ZCWPW2: variants seen among roughly 807,000 people sequenced by gnomAD.
ZCWPW2 encodes the protein zinc finger CW-type and PWWP domain containing 2, also known as zinc finger CW-type PWWP domain protein 2.
Under a neutral mutation model 46.6 loss-of-function variants are expected in ZCWPW2, and 45 were observed. The observed-to-expected ratio is 0.96, with a 90% confidence interval of 0.76 to 1.24. The LOEUF (loss-of-function observed/expected upper bound fraction) is 1.24. ZCWPW2 is among the 50% of genes most tolerant of loss of function. The pLI is 0.00. For synonymous variants in ZCWPW2, 152 were observed against 137.1 expected, an observed-to-expected ratio of 1.11 and a Z score of -0.76; for missense variants, 429 against 403.9, an observed-to-expected ratio of 1.06 and a Z score of -0.53.
At chr3:28,505,186 A>G (rs1700243533) in intron 6 of ZCWPW2, among the ~76,000 whole-genome samples, 1 of 151,898 alleles carries the variant, frequency 6.6e-6, no homozygotes, top group Admixed American at 6.6e-5. Flanking sequence ...TTGAATACAC[A>G]CTCCAGTGTT....
intron 2 of ZCWPW2, among the ~76,000 whole-genome samples, chr3:28,397,531 T>G (rs1002731865): frequency 4.6e-5 from 7 of 151,804 alleles, no homozygotes; most frequent in South Asian, 2.1e-4. Context: ...TTAACTGGGC[T>G]TGGTGGCAAG....
intron 4 of ZCWPW2, among the ~76,000 whole-genome samples, chr3:28,470,074 G>T (rs962570572): frequency 4.6e-5 from 7 of 152,258 alleles, no homozygotes; most frequent in Admixed American, 3.9e-4. Flanking sequence ...CGTATGTCAG[G>T]TATCTTCTCT....
chr3:28,379,937 CA>C (rs1378880224), intron 1 of ZCWPW2, among the ~76,000 whole-genome samples: 1 of 151,852 alleles, frequency 6.6e-6, no homozygotes, highest in Admixed American at 6.6e-5. Flanking sequence ...TTAAGTAAGT[CA>C]AGTTTATTTT....
At chr3:28,437,730 T>C (rs1481325256) in intron 4 of ZCWPW2, among the ~76,000 whole-genome samples, 1 of 152,232 alleles carries the variant, frequency 6.6e-6, no homozygotes, top group Non-Finnish European at 1.5e-5. Context: ...TTATAACTGA[T>C]GTTAGTTTAT....
chr3:28,405,147 C>T (rs78781914), intron 2 of ZCWPW2, among the ~76,000 whole-genome samples: 3,987 of 152,176 alleles, frequency 0.026, 155 homozygotes, highest in African/African-American at 0.085. Context: ...TTCATATAAA[C>T]GTACTTTTCC....
intron 4 of ZCWPW2, among the ~76,000 whole-genome samples, chr3:28,450,925 C>T (rs138100891): frequency 1.3e-5 from 2 of 152,326 alleles, no homozygotes; most frequent in African/African-American, 2.4e-5. Flanking sequence ...AGATCTCTGC[C>T]TTCCTGCTGC....
intron 4 of ZCWPW2, among the ~76,000 whole-genome samples, chr3:28,474,720 A>G (rs551176010): frequency 2.0e-5 from 3 of 152,120 alleles, no homozygotes; most frequent in Admixed American, 6.5e-5. Context: ...TTCATATCCA[A>G]CTGCTACTTG....
chr3:28,399,195 G>T (rs1430326322), intron 2 of ZCWPW2, among the ~76,000 whole-genome samples: 1 of 152,094 alleles, frequency 6.6e-6, no homozygotes. Flanking sequence ...CTGCATGACA[G>T]TGTAGACAGC....
chr3:28,442,650 C>T (rs370579070), intron 4 of ZCWPW2, among the ~76,000 whole-genome samples: 13 of 152,304 alleles, frequency 8.5e-5, no homozygotes, highest in African/African-American at 2.6e-4. Flanking sequence ...GCCAAGTCAA[C>T]GGCTGCATAC....
chr3:28,471,221 T>C (rs574113723), intron 4 of ZCWPW2, among the ~76,000 whole-genome samples: 10 of 152,238 alleles, frequency 6.6e-5, no homozygotes, highest in African/African-American at 2.4e-4. Flanking sequence ...TTCCAAAAAA[T>C]AGAAGTGGAG....
intron 1 of ZCWPW2, among the ~76,000 whole-genome samples, chr3:28,381,677 G>C (rs537641217): frequency 1.3e-5 from 2 of 152,108 alleles, no homozygotes; most frequent in African/African-American, 4.8e-5. Context: ...CTCCTAGCTA[G>C]TCAGGAGGCT....
At chr3:28,380,965 TATATA>T (rs1212336195) in intron 1 of ZCWPW2, among the ~76,000 whole-genome samples, 6 of 45,688 alleles carry the variant, frequency 1.3e-4, no homozygotes, top group Admixed American at 5.3e-4. Flanking sequence ...TATATATATA[TATATA>T]TTTGGTATAT....
intron 6 of ZCWPW2, among the ~76,000 whole-genome samples, chr3:28,497,178 T>G (rs771891137): frequency 6.6e-5 from 10 of 150,818 alleles, no homozygotes; most frequent in Non-Finnish European, 1.5e-4. Context: ...TTGCATTGTG[T>G]TTTTGGCAGT....
intron 5 of ZCWPW2, among the ~76,000 whole-genome samples, chr3:28,482,312 T>C (rs1469295642): frequency 6.6e-6 from 1 of 152,200 alleles, no homozygotes; most frequent in African/African-American, 2.4e-5. Context: ...CTTCCGTGTA[T>C]TTGCATGGCT....
chr3:28,422,523 C>T (rs967244959), intron 3 of ZCWPW2, among the ~76,000 whole-genome samples: 2 of 152,162 alleles, frequency 1.3e-5, no homozygotes, highest in African/African-American at 4.8e-5. Context: ...ATTTACGTCT[C>T]TTCCATGTCC....
At chr3:28,352,476 A>T (rs1241655532) in intron 1 of ZCWPW2, among the ~76,000 whole-genome samples, 1 of 151,982 alleles carries the variant, frequency 6.6e-6, no homozygotes, top group Admixed American at 6.5e-5. Flanking sequence ...AAATATGGGG[A>T]TACCTTATCT....
intron 4 of ZCWPW2, among the ~76,000 whole-genome samples, chr3:28,464,930 T>G (rs73822641): frequency 0.021 from 3,134 of 152,328 alleles, 108 homozygotes; most frequent in African/African-American, 0.063. Context: ...AAAGTTTGAA[T>G]GGCAGTTGCT....
At chr3:28,351,942 G>A (rs1704567583) in intron 1 of ZCWPW2, among the ~76,000 whole-genome samples, 1 of 152,036 alleles carries the variant, frequency 6.6e-6, no homozygotes, top group East Asian at 1.9e-4. Context: ...ACATGTTCAG[G>A]TTACTATCTT....
chr3:28,439,055 G>A (rs1236024322), intron 4 of ZCWPW2, among the ~76,000 whole-genome samples: 2 of 146,400 alleles, frequency 1.4e-5, no homozygotes, highest in Non-Finnish European at 3.0e-5. Context: ...TATGGTGTGT[G>A]TGTGTATATA....
Sources: gnomAD v4.1 joint callset for allele counts (sites outside exome capture counted in the v4.1 genomes callset) on GRCh38, gnomAD v4.1.1 for gene constraint, MANE v1.5 for transcripts, NCBI Gene and HGNC (gene_info 2026-07-23, HGNC 2026-07-21) for gene names.